CDH13: variants seen among roughly 807,000 people sequenced by gnomAD.
CDH13 encodes cadherin-13.
CDH13 carries 24 observed loss-of-function variants against 63.8 expected under a neutral mutation model. The ratio of observed to expected loss-of-function variants is 0.38; its 90% CI spans 0.27 to 0.53. The LOEUF (loss-of-function observed/expected upper bound fraction) is 0.53. Among genes scored for constraint, CDH13 ranks in the 20% least tolerant of loss-of-function variants. CDH13 has a pLI of 0.85. For synonymous variants in CDH13, 503 were observed against 355.3 expected, an observed-to-expected ratio of 1.42 and a Z score of -4.67; for missense variants, 1,049 against 903.1, an observed-to-expected ratio of 1.16 and a Z score of -2.07.
At chr16:83,000,264 T>TTTTTG (rs1912748830) in intron 2 of CDH13, among the ~76,000 whole-genome samples, 1 of 107,114 alleles carries the variant, frequency 9.3e-6, no homozygotes, top group South Asian at 3.4e-4. Context: ...TTTTTTTTTT[T>TTTTTG]GAGACAGAGT....
At chr16:83,696,085 T>G (rs1905361590) in intron 10 of CDH13, among the ~76,000 whole-genome samples, 1 of 151,922 alleles carries the variant, frequency 6.6e-6, no homozygotes, top group African/African-American at 2.4e-5. Context: ...GAGATGGGGT[T>G]TCGCCATGTT....
At chr16:82,726,143 G>A (rs1219402818) in intron 1 of CDH13, among the ~76,000 whole-genome samples, 1 of 152,196 alleles carries the variant, frequency 6.6e-6, no homozygotes, top group Non-Finnish European at 1.5e-5. Flanking sequence ...GTAAATGTGT[G>A]TGTGCTGTGT....
intron 7 of CDH13, among the ~76,000 whole-genome samples, chr16:83,585,233 G>C (rs2150728327): frequency 6.6e-6 from 1 of 152,226 alleles, no homozygotes; most frequent in South Asian, 2.1e-4. Flanking sequence ...CCACCTTCCT[G>C]CACTCTATAA....
chr16:83,053,852 G>T (rs982169238), intron 3 of CDH13, among the ~76,000 whole-genome samples: 5 of 152,092 alleles, frequency 3.3e-5, no homozygotes, highest in African/African-American at 9.7e-5. Flanking sequence ...TCGAGACCCC[G>T]ACCGGGTACC....
chr16:82,860,504 A>G (rs181408192), intron 2 of CDH13, among the ~76,000 whole-genome samples: 2 of 152,096 alleles, frequency 1.3e-5, no homozygotes, highest in Admixed American at 6.5e-5. Context: ...TTCATTATCA[A>G]TGATAACACA....
intron 10 of CDH13, among the ~76,000 whole-genome samples, chr16:83,682,989 C>T (rs1423836): frequency 1.3e-5 from 2 of 152,080 alleles, no homozygotes; most frequent in Non-Finnish European, 2.9e-5. Context: ...TCCTGGGCCA[C>T]GTCCTGCCTC....
intron 1 of CDH13, among the ~76,000 whole-genome samples, chr16:82,697,416 CTTTTTTCTTTTTTTTTT>C (rs2030441387): frequency 9.4e-6 from 1 of 106,362 alleles, no homozygotes. Flanking sequence ...CAAGGCATTT[CTTTTTTCTTTTTTTTTT>C]TTTTTTTTTT....
intron 5 of CDH13, among the ~76,000 whole-genome samples, chr16:83,312,471 C>G (rs2090021956): frequency 6.6e-6 from 1 of 152,202 alleles, no homozygotes; most frequent in Admixed American, 6.5e-5. Flanking sequence ...AATAAGTCCT[C>G]TCCAACCACC....
chr16:83,577,522 G>A (rs939085929), intron 7 of CDH13, among the ~76,000 whole-genome samples: 3 of 152,146 alleles, frequency 2.0e-5, no homozygotes, highest in East Asian at 1.9e-4. Flanking sequence ...CCTTCTTTCT[G>A]TTGCAATATG....
intron 1 of CDH13, among the ~76,000 whole-genome samples, chr16:82,818,724 G>A (rs116800129): frequency 9.9e-4 from 151 of 152,244 alleles, no homozygotes; most frequent in African/African-American, 3.5e-3. Flanking sequence ...CCTCACATCT[G>A]GCCACAGGCA....
chr16:83,325,199 A>C lies in CDH13; in HGVS notation c.637-19663A>C, dbSNP rs577411893. 1.3e-4 allele frequency among the ~76,000 whole-genome samples: 20 copies of C among 152,322 alleles called. No individual in the cohort carries two copies. The South Asian group carries it at 4.1e-3, about 32-fold the overall frequency. ...ACTCCAGATGAGTTTAAGAAATCTT[A>C]AGACTATTTTTTAATTATTACAAAC... On this transcript the variant is annotated intron_variant, in intron 5 of 13. Coordinates refer to ENST00000567109, the MANE Select transcript of CDH13 (RefSeq NM_001257.5).
chr16:83,132,437 C>A (rs1384717924), intron 4 of CDH13, among the ~76,000 whole-genome samples: 2 of 99,434 alleles, frequency 2.0e-5, no homozygotes, highest in Admixed American at 2.2e-4. Context: ...CCCCACCCAC[C>A]CCCCAACACC....
At chr16:82,971,589 C>A (rs544907125) in intron 2 of CDH13, among the ~76,000 whole-genome samples, 1 of 152,294 alleles carries the variant, frequency 6.6e-6, no homozygotes, top group South Asian at 2.1e-4. Flanking sequence ...CATGTTGTTT[C>A]TATAAGGTGT....
chr16:83,662,930 C>T (rs1913575451), intron 8 of CDH13, among the ~76,000 whole-genome samples: 1 of 152,162 alleles, frequency 6.6e-6, no homozygotes, highest in South Asian at 2.1e-4. Flanking sequence ...ACTGAGAGCA[C>T]TTCCTATTTG....
chr16:83,394,448 G>A (rs552843421), intron 6 of CDH13, among the ~76,000 whole-genome samples: 2 of 152,294 alleles, frequency 1.3e-5, no homozygotes, highest in African/African-American at 4.8e-5. Flanking sequence ...CAAAGTCCCT[G>A]AGGCAGGCAC....
intron 6 of CDH13, among the ~76,000 whole-genome samples, chr16:83,414,916 C>T (rs1363440024): frequency 6.6e-6 from 1 of 152,036 alleles, no homozygotes; most frequent in Non-Finnish European, 1.5e-5. Flanking sequence ...TCTTGAAGAT[C>T]CTGATTTCAA....
intron 10 of CDH13, among the ~76,000 whole-genome samples, chr16:83,744,658 G>A (rs533925869): frequency 3.9e-5 from 6 of 152,204 alleles, no homozygotes; most frequent in Non-Finnish European, 8.8e-5. Flanking sequence ...ACCCCAGTGA[G>A]CCATTAACAC....
At chr16:83,371,169 C>G (rs1407282878) in intron 6 of CDH13, among the ~76,000 whole-genome samples, 3 of 152,222 alleles carry the variant, frequency 2.0e-5, no homozygotes, top group Admixed American at 1.3e-4. Context: ...ACCTAGCAGT[C>G]TCATTGTTAG....
At chr16:83,088,298 G>T (rs763176492) in intron 3 of CDH13, among the ~76,000 whole-genome samples, 3 of 152,122 alleles carry the variant, frequency 2.0e-5, no homozygotes, top group Non-Finnish European at 2.9e-5. Context: ...TGCCTTATTA[G>T]GCTTATAACT....
Sources: allele counts gnomAD v4.1 joint callset (sites outside exome capture counted in the v4.1 genomes callset), GRCh38; gene constraint gnomAD v4.1.1; transcripts MANE v1.5; gene names NCBI Gene and HGNC (gene_info 2026-07-23, HGNC 2026-07-21).